Variants in COG5 observed in about 807,000 individuals in gnomAD.
COG5 encodes the protein component of oligomeric golgi complex 5.
COG5 carries 86 observed loss-of-function variants against 110.4 expected under a neutral mutation model. The observed-to-expected ratio is 0.78, with a 90% CI of 0.65 to 0.93. The LOEUF (loss-of-function observed/expected upper bound fraction) is 0.93. Ranked by LOEUF, COG5 falls within the 40% of genes least tolerant of loss-of-function variation. The pLI, the probability that COG5 is intolerant of heterozygous loss-of-function variation, is 0.00. For missense variants in COG5, 1,077 were observed against 987.0 expected (o/e 1.09, Z -1.22); for synonymous variants, 360 against 334.6 (o/e 1.08, Z -0.83).
At chr7:107,450,324 A>G (rs963722109) in intron 6 of COG5, 5 of 152,678 alleles carry the variant, frequency 3.3e-5, no homozygotes, top group African/African-American at 1.2e-4. Context: ...CATGGCAAAG[A>G]TGGCCATCAG....
At chr7:107,496,457 G>C (rs1054703982) in intron 6 of COG5, among the ~76,000 whole-genome samples, 2 of 151,964 alleles carry the variant, frequency 1.3e-5, no homozygotes. Context: ...TCAGCAGTTG[G>C]AGACCAGCCC....
At chr7:107,226,644 C>A (rs748610262) in intron 19 of COG5, among the ~76,000 whole-genome samples, 3 of 152,230 alleles carry the variant, frequency 2.0e-5, no homozygotes. Flanking sequence ...GAGGCCGCAG[C>A]ACATGCTCAC....
In COG5 at chr7:107,412,476, T is replaced by A. The variant is rs572829088; in HGVS notation, c.669+26A>T. ...CCTGTATTATGACACATTTTTTACA[T>A]TAAAAAACAGTCTTATTTTTATTAC... On this transcript the variant is annotated intron_variant, in intron 7 of 21. Coordinates refer to ENST00000297135, the MANE Select transcript of COG5 (RefSeq NM_006348.5). The A allele has an allele frequency of 3.8e-5, 61 of 1,600,324 alleles. No homozygotes were observed. The African/African-American group carries it at 7.5e-4, about 20-fold the overall frequency.
chr7:107,371,381 G>A (rs1814148167), intron 8 of COG5, among the ~76,000 whole-genome samples: 1 of 152,012 alleles, frequency 6.6e-6, no homozygotes, highest in Admixed American at 6.5e-5. Context: ...CTTGAGGCCA[G>A]GAGTTCAAGA....
At chr7:107,276,252 C>T (rs1229476916) in intron 14 of COG5, among the ~76,000 whole-genome samples, 3 of 152,142 alleles carry the variant, frequency 2.0e-5, no homozygotes, top group African/African-American at 4.8e-5. Flanking sequence ...ATATATTTGC[C>T]TCCAAAGTTG....
chr7:107,476,773 C>T (rs1195465078), intron 6 of COG5, among the ~76,000 whole-genome samples: 1 of 151,538 alleles, frequency 6.6e-6, no homozygotes, highest in Non-Finnish European at 1.5e-5. Flanking sequence ...TCCACTAAAC[C>T]AAGTAGCAAT....
At chr7:107,473,986 T>C (rs1188923811) in intron 6 of COG5, 2 of 720,472 alleles carry the variant, frequency 2.8e-6, no homozygotes, top group East Asian at 2.6e-5. Context: ...ACGTTATACG[T>C]CATTTAAATT....
rs114156868 is a variant in COG5 at position 107,501,099 on chromosome 7, T to A, written c.538+26138A>T. On this transcript the variant is annotated intron_variant, in intron 6 of 21. Coordinates refer to ENST00000297135, the MANE Select transcript of COG5 (RefSeq NM_006348.5). ...CTAATTTTCCTGTACAATATTATAC[T>A]TAGAGACCCAAAGCTGTAATTCATC... 4.5e-3 allele frequency among the ~76,000 whole-genome samples: 692 copies of A among 152,186 alleles called. 6 individuals are homozygous for A. Among genetic ancestry groups the A allele is most frequent in the African/African-American group, 0.016 (669 of 41,548 alleles).
intron 11 of COG5, among the ~76,000 whole-genome samples, chr7:107,304,666 G>C (rs1212160455): frequency 6.6e-6 from 1 of 152,152 alleles, no homozygotes; most frequent in African/African-American, 2.4e-5. Context: ...GTCTTGACTA[G>C]CTGTGCCTAA....
Position 107,281,376 on chromosome 7 carries a change from T to C in COG5, c.1499A>G (p.Asp500Gly). Residue 500 changes from aspartate (D) to glycine (G), a missense_variant, in exon 14 of 22, where the codon GAT (aspartate) becomes GGT (glycine). By Grantham distance (94) the Asp-to-Gly change is moderately conservative. Coordinates refer to ENST00000297135, the MANE Select transcript of COG5 (RefSeq NM_006348.5). Reference sequence around the variant, plus strand: ...TGACACAGCTAATGTGAGGTTTGTATCAACAGCAGCAACATTTAGTTCACT... The same window carrying C: ...TGACACAGCTAATGTGAGGTTTGTACCAACAGCAGCAACATTTAGTTCACT... ...IASELNVAAV[D>G]TNLTLAVSKN... is the part of the protein sequence containing the mutation. 1.2e-6 allele frequency: 2 copies of C among 1,613,294 alleles called. No homozygotes were observed. Among genetic ancestry groups the C allele is most frequent in the East Asian group, 2.2e-5 (1 of 44,766 alleles).
At chr7:107,216,565 TG>T (rs1799550464) in intron 19 of COG5, among the ~76,000 whole-genome samples, 1 of 152,168 alleles carries the variant, frequency 6.6e-6, no homozygotes, top group African/African-American at 2.4e-5. Flanking sequence ...CTAATCAGAA[TG>T]GTATGAAACT....
At chr7:107,204,970 C>G (rs1474287381) in intron 21 of COG5, among the ~76,000 whole-genome samples, 1 of 152,180 alleles carries the variant, frequency 6.6e-6, no homozygotes, top group Non-Finnish European at 1.5e-5. Flanking sequence ...CCTCCTACAC[C>G]GAAACAATTA....
At chr7:107,463,899 G>C (rs1234448097) in intron 6 of COG5, among the ~76,000 whole-genome samples, 1 of 152,080 alleles carries the variant, frequency 6.6e-6, no homozygotes, top group African/African-American at 2.4e-5. Flanking sequence ...CATGCTGCTA[G>C]AACTCCACCC....
At chr7:107,260,075 GATATAT>G (rs143875588) in intron 14 of COG5, among the ~76,000 whole-genome samples, 2 of 131,492 alleles carry the variant, frequency 1.5e-5, no homozygotes, top group Admixed American at 7.9e-5. Context: ...AACTCCTAGT[GATATAT>G]ATATATATAT....
intron 6 of COG5, among the ~76,000 whole-genome samples, chr7:107,460,838 T>C (rs935480815): frequency 4.6e-5 from 7 of 152,232 alleles, no homozygotes; most frequent in African/African-American, 1.7e-4. Context: ...CAAGTTGATG[T>C]TAATAAATTT....
intron 7 of COG5, among the ~76,000 whole-genome samples, chr7:107,376,350 ACT>A (rs1814638073): frequency 6.6e-6 from 1 of 151,890 alleles, no homozygotes; most frequent in South Asian, 2.1e-4. Flanking sequence ...GATTGCATTA[ACT>A]CTATAGATAA....
chr7:107,285,739 T>G (rs1805574516), intron 12 of COG5, among the ~76,000 whole-genome samples: 1 of 151,748 alleles, frequency 6.6e-6, no homozygotes, highest in African/African-American at 2.4e-5. Flanking sequence ...CATGGTGGCA[T>G]GTGCCTGTAA....
intron 6 of COG5, among the ~76,000 whole-genome samples, chr7:107,435,332 A>G (rs115964504): frequency 0.011 from 1,610 of 152,258 alleles, 16 homozygotes; most frequent in African/African-American, 0.037. Context: ...AAAACAGAAG[A>G]TAACAATTGT....
intron 6 of COG5, among the ~76,000 whole-genome samples, chr7:107,460,635 C>CAT (rs201173289): frequency 0.01 from 1,569 of 151,818 alleles, 26 homozygotes; most frequent in African/African-American, 0.036. Context: ...AGAAAAAGAA[C>CAT]ATAACAACAT....
Sources: gnomAD v4.1 joint callset for allele counts (sites outside exome capture counted in the v4.1 genomes callset) on GRCh38, gnomAD v4.1.1 for gene constraint, MANE v1.5 for transcripts, NCBI Gene and HGNC (gene_info 2026-07-23, HGNC 2026-07-21) for gene names.